RBFOX1: variants seen among roughly 807,000 people sequenced by gnomAD.
The protein encoded by RBFOX1 is RNA binding fox-1 homolog 1.
In RBFOX1, 8 loss-of-function variants were observed where a neutral mutation model predicts 57.7. The observed-to-expected ratio is 0.14, with a 90% CI of 0.08 to 0.25. The LOEUF is 0.25. Among genes scored for constraint, RBFOX1 ranks in the 10% least tolerant of loss-of-function variants. RBFOX1 has a pLI of 1.00. For synonymous variants in RBFOX1, 326 were observed against 222.4 expected (o/e 1.47, Z -4.15); for missense variants, 611 against 548.5 (o/e 1.11, Z -1.14).
At chr16:5,908,072 A>ATG (rs1567133333) in intron 4 of RBFOX1, among the ~76,000 whole-genome samples, 14 of 39,180 alleles carry the variant, frequency 3.6e-4, no homozygotes, top group African/African-American at 2.3e-3. Flanking sequence ...GTGTGTATGT[A>ATG]TATATATATA....
At chr16:6,815,140 A>C (rs1353005637) in intron 3 of RBFOX1, among the ~76,000 whole-genome samples, 1 of 152,160 alleles carries the variant, frequency 6.6e-6, no homozygotes, top group East Asian at 1.9e-4. Flanking sequence ...GTGTTGCTAC[A>C]GCATTTGTAA....
At chr16:7,098,638 G>T (rs960582593) in intron 4 of RBFOX1, among the ~76,000 whole-genome samples, 2 of 152,102 alleles carry the variant, frequency 1.3e-5, no homozygotes, top group Non-Finnish European at 1.5e-5. Context: ...GGGGATATAG[G>T]ACATTAGAGT....
intron 1 of RBFOX1, among the ~76,000 whole-genome samples, chr16:6,307,585 A>T (rs1436736298): frequency 2.7e-5 from 4 of 148,466 alleles, no homozygotes; most frequent in Non-Finnish European, 5.9e-5. Flanking sequence ...TAATAGAGAA[A>T]ATGATATAAC....
chr16:7,218,628 C>CTG (rs60333818), intron 4 of RBFOX1, among the ~76,000 whole-genome samples: 8,287 of 126,458 alleles, frequency 0.066, 330 homozygotes, highest in Non-Finnish European at 0.084. Flanking sequence ...TGGGGGTTTG[C>CTG]TGTGTGTGTG....
At chr16:7,401,185 G>A (rs540337201) in intron 4 of RBFOX1, among the ~76,000 whole-genome samples, 2 of 152,150 alleles carry the variant, frequency 1.3e-5, no homozygotes, top group Non-Finnish European at 2.9e-5. Context: ...TATCTTCATT[G>A]CATTTATTTT....
At chr16:6,900,862 T>G (rs2068303666) in intron 3 of RBFOX1, among the ~76,000 whole-genome samples, 2 of 152,202 alleles carry the variant, frequency 1.3e-5, no homozygotes, top group Non-Finnish European at 2.9e-5. Context: ...GTGAGCTCCA[T>G]GAATGCAGGG....
intron 1 of RBFOX1, among the ~76,000 whole-genome samples, chr16:6,180,260 CT>C (rs2097052289): frequency 6.6e-6 from 1 of 151,522 alleles, no homozygotes; most frequent in Non-Finnish European, 1.5e-5. Flanking sequence ...CTGGGTTTTT[CT>C]TTATGTGAAG....
At chr16:7,347,404 A>G (rs1013099897) in intron 4 of RBFOX1, among the ~76,000 whole-genome samples, 6 of 152,254 alleles carry the variant, frequency 3.9e-5, no homozygotes, top group South Asian at 2.1e-4. Context: ...TAAAATCATC[A>G]GGTTTCATGA....
intron 3 of RBFOX1, among the ~76,000 whole-genome samples, chr16:6,666,748 G>T (rs768565746): frequency 2.0e-5 from 3 of 152,074 alleles, no homozygotes; most frequent in Non-Finnish European, 4.4e-5. Flanking sequence ...GGTGACTTAC[G>T]AGAGTTATTG....
intron 1 of RBFOX1, among the ~76,000 whole-genome samples, chr16:5,275,768 A>G (rs2063125315): frequency 6.6e-6 from 1 of 152,232 alleles, no homozygotes; most frequent in South Asian, 2.1e-4. Context: ...GAGGCATCAC[A>G]TTACCCAACT....
intron 3 of RBFOX1, among the ~76,000 whole-genome samples, chr16:6,779,899 T>A (rs868739769): frequency 1.5e-4 from 1 of 6,530 alleles, no homozygotes; most frequent in Non-Finnish European, 3.0e-4. Context: ...TTATATATAT[T>A]TATATATATT....
intron 3 of RBFOX1, among the ~76,000 whole-genome samples, chr16:7,015,304 A>G (rs1206892965): frequency 1.3e-5 from 2 of 152,066 alleles, no homozygotes; most frequent in Non-Finnish European, 2.9e-5. Flanking sequence ...CATTCCTGGG[A>G]TTGTTCTTCT....
chr16:6,837,652 T>G (rs1429409315), intron 3 of RBFOX1, among the ~76,000 whole-genome samples: 1 of 152,148 alleles, frequency 6.6e-6, no homozygotes, highest in South Asian at 2.1e-4. Flanking sequence ...ACTCCCTCAT[T>G]GAAAATTGAG....
intron 12 of RBFOX1, chr16:7,664,708 C>T (rs566047394): frequency 1.4e-6 from 1 of 696,582 alleles, no homozygotes; most frequent in South Asian, 2.0e-5. Context: ...ACACCGCCAC[C>T]ACCACATCCT....
intron 2 of RBFOX1, among the ~76,000 whole-genome samples, chr16:6,521,454 C>A (rs1351788086): frequency 7.1e-6 from 1 of 141,610 alleles, no homozygotes; most frequent in Non-Finnish European, 1.5e-5. Context: ...CCCTCCCGTC[C>A]CCTCTCCTCT....
At chr16:5,491,740 C>T (rs1597282259) in intron 2 of RBFOX1, among the ~76,000 whole-genome samples, 2 of 152,322 alleles carry the variant, frequency 1.3e-5, no homozygotes, top group South Asian at 2.1e-4. Flanking sequence ...TGGGCCAAGC[C>T]AGTGCTGGAG....
chr16:5,938,218 G>GCTTGGTGTC (rs1488823156), intron 4 of RBFOX1, among the ~76,000 whole-genome samples: 43 of 152,102 alleles, frequency 2.8e-4, no homozygotes, highest in Non-Finnish European at 5.0e-4. Flanking sequence ...TTCCTGGGAA[G>GCTTGGTGTC]TATATAGCTT....
intron 4 of RBFOX1, among the ~76,000 whole-genome samples, chr16:5,972,385 G>A (rs892599200): frequency 1.3e-5 from 2 of 152,244 alleles, no homozygotes; most frequent in East Asian, 3.9e-4. Context: ...TGCATGATAT[G>A]CATGGTGATG....
chr16:7,528,104 T>A (rs2079106061), intron 5 of RBFOX1, among the ~76,000 whole-genome samples: 3 of 152,220 alleles, frequency 2.0e-5, no homozygotes, highest in South Asian at 4.1e-4. Flanking sequence ...AAGTTTTGTT[T>A]TTAAGACCCA....
Sources: allele counts gnomAD v4.1 joint callset (sites outside exome capture counted in the v4.1 genomes callset), GRCh38; gene constraint gnomAD v4.1.1; transcripts MANE v1.5; gene names NCBI Gene and HGNC (gene_info 2026-07-23, HGNC 2026-07-21).